KLHDC4: variants seen among roughly 807,000 people sequenced by gnomAD.
KLHDC4 encodes kelch domain-containing protein 4.
Under a neutral mutation model 62.4 loss-of-function variants are expected in KLHDC4, and 90 were observed. That is an observed-to-expected ratio of 1.44 (90% CI 1.22 to 1.72). The LOEUF (loss-of-function observed/expected upper bound fraction) is 1.72, where lower values mean the gene tolerates loss of function less well. Among genes scored for constraint, KLHDC4 ranks in the 40% most tolerant of loss-of-function variants. The pLI, the probability that KLHDC4 is intolerant of heterozygous loss-of-function variation, is 0.00. For synonymous variants in KLHDC4, 386 were observed against 284.4 expected (o/e 1.36, Z -3.59); for missense variants, 1,025 against 699.7 (o/e 1.47, Z -5.25).
At chr16:87,756,160 G>A in intron 3 of KLHDC4, 1 of 374,176 alleles carries the variant, frequency 2.7e-6, no homozygotes, top group Non-Finnish European at 5.1e-6. Context: ...AGTGATGACG[G>A]CAGAGCTGGG....
At chr16:87,747,534 G>T (rs561618719) in intron 5 of KLHDC4, 3 of 152,314 alleles carry the variant, frequency 2.0e-5, no homozygotes, top group Non-Finnish European at 2.9e-5. Flanking sequence ...GAAAAGGGAC[G>T]GAAAAGCCTG....
intron 5 of KLHDC4, among the ~76,000 whole-genome samples, chr16:87,731,593 C>A (rs1357155228): frequency 6.6e-6 from 1 of 151,876 alleles, no homozygotes; most frequent in Non-Finnish European, 1.5e-5. Flanking sequence ...AAGACAACAT[C>A]AAGTGCTGGC....
chr16:87,731,208 C>T (rs867839198), intron 5 of KLHDC4, among the ~76,000 whole-genome samples: 35 of 151,734 alleles, frequency 2.3e-4, no homozygotes, highest in Middle Eastern at 6.8e-3. Flanking sequence ...GAATTACAAG[C>T]GTGCACCACC....
At chr16:87,709,897 C>T (rs1464144845) in intron 9 of KLHDC4, 7 of 560,046 alleles carry the variant, frequency 1.2e-5, no homozygotes, top group Non-Finnish European at 2.2e-5. Context: ...GGGCAGAAAA[C>T]CCCCCACTGC....
chr16:87,757,378 G>A (rs1237490899), intron 2 of KLHDC4: 7 of 149,950 alleles, frequency 4.7e-5, no homozygotes, highest in Non-Finnish European at 7.4e-5. Context: ...TGAGGCAGGA[G>A]AACCACTTGA....
chr16:87,744,912 TGCATACACAG>T (rs1200438375), intron 5 of KLHDC4, among the ~76,000 whole-genome samples: 1 of 152,102 alleles, frequency 6.6e-6, no homozygotes, highest in African/African-American at 2.4e-5. Flanking sequence ...GTCACACACA[TGCATACACAG>T]GCATAGACAG....
intron 7 of KLHDC4, among the ~76,000 whole-genome samples, chr16:87,720,439 G>A (rs1230137621): frequency 6.6e-6 from 1 of 152,160 alleles, no homozygotes; most frequent in Non-Finnish European, 1.5e-5. Flanking sequence ...TTTGCCAGAC[G>A]CAGGTCCAGC....
intron 5 of KLHDC4, among the ~76,000 whole-genome samples, chr16:87,747,168 C>T (rs535101199): frequency 6.6e-4 from 100 of 152,308 alleles, no homozygotes; most frequent in African/African-American, 2.3e-3. Context: ...CTCAGAGTCA[C>T]CACAGAGTCA....
chr16:87,736,583 G>C (rs564132857), intron 5 of KLHDC4, among the ~76,000 whole-genome samples: 1 of 152,156 alleles, frequency 6.6e-6, no homozygotes, highest in Non-Finnish European at 1.5e-5. Flanking sequence ...GCTTTTCCGA[G>C]TATCAAGTCC....
intron 5 of KLHDC4, among the ~76,000 whole-genome samples, chr16:87,741,930 C>G (rs542346953): frequency 6.6e-6 from 1 of 152,346 alleles, no homozygotes; most frequent in East Asian, 1.9e-4. Flanking sequence ...ACGCCTATTC[C>G]GTTTCCTGAT....
In KLHDC4 at chr16:87,763,178, T is replaced by C. The variant is rs139012590; in HGVS notation, c.100-1138A>G. ...TAAGGAATAAAGTGTCACCCACATG[T>C]ACCCACCCACACATTCCCTCAAGTA... On this transcript the variant is annotated intron_variant, in intron 1 of 11. Coordinates refer to ENST00000270583, the MANE Select transcript of KLHDC4 (RefSeq NM_017566.4). Among the ~76,000 whole-genome samples, 390 of 152,358 alleles carry C rather than the reference T, an allele frequency of 2.6e-3. 3 individuals carry two copies. The highest frequency in any genetic ancestry group is 4.6e-3 in the Non-Finnish European group (312 of 68,032).
chr16:87,749,429 C>G (rs1478811241), intron 4 of KLHDC4, among the ~76,000 whole-genome samples: 1 of 151,932 alleles, frequency 6.6e-6, no homozygotes, highest in Non-Finnish European at 1.5e-5. Context: ...TGGCATGCAC[C>G]TGTAGTCCCA....
chr16:87,716,868 C>A (rs1447041136), intron 7 of KLHDC4, among the ~76,000 whole-genome samples: 1 of 152,118 alleles, frequency 6.6e-6, no homozygotes, highest in East Asian at 1.9e-4. Context: ...GGAGGCGGAG[C>A]TTGCAGTGAG....
chr16:87,716,119 C>T (rs1171379705), intron 7 of KLHDC4, among the ~76,000 whole-genome samples: 2 of 149,998 alleles, frequency 1.3e-5, no homozygotes, highest in African/African-American at 4.9e-5. Context: ...TGGGTACACA[C>T]TATGGTCTTG....
At chr16:87,705,164 C>T (rs543547068), downstream of KLHDC4, among the ~76,000 whole-genome samples, 10 of 152,388 alleles carry the variant, frequency 6.6e-5, no homozygotes, top group East Asian at 1.3e-3. Flanking sequence ...GCACCGAGTA[C>T]GGCGTGTCCC....
chr16:87,721,783 T>C (rs1181719261), intron 7 of KLHDC4, among the ~76,000 whole-genome samples: 1 of 152,218 alleles, frequency 6.6e-6, no homozygotes, highest in Non-Finnish European at 1.5e-5. Context: ...AGCCCTCTCC[T>C]GGTTATGCAT....
chr16:87,760,477 G>T (rs149030085), intron 2 of KLHDC4, among the ~76,000 whole-genome samples: 2,965 of 151,410 alleles, frequency 0.02, 97 homozygotes, highest in African/African-American at 0.067. Context: ...CTTGGTGGCG[G>T]GTGCCTGTAG....
chr16:87,719,168 G>T (rs1002254299), intron 7 of KLHDC4, among the ~76,000 whole-genome samples: 1 of 152,262 alleles, frequency 6.6e-6, no homozygotes, highest in Non-Finnish European at 1.5e-5. Context: ...TCTGGGAGGA[G>T]TACCCAACAG....
downstream of KLHDC4, among the ~76,000 whole-genome samples, chr16:87,706,061 C>T (rs557306160): frequency 5.6e-4 from 84 of 149,668 alleles, no homozygotes; most frequent in African/African-American, 1.8e-3. Context: ...GAGGGGTCGG[C>T]GGAACGCAAA....
Sources: allele counts gnomAD v4.1 joint callset (sites outside exome capture counted in the v4.1 genomes callset), GRCh38; gene constraint gnomAD v4.1.1; transcripts MANE v1.5; gene names NCBI Gene and HGNC (gene_info 2026-07-23, HGNC 2026-07-21).